The following NR1H4 variants were observed in gnomAD, a reference collection of about 807,000 sequenced individuals.
NR1H4 encodes the protein nuclear receptor subfamily 1 group H member 4, also known as bile acid receptor.
A neutral mutation model predicts 58.5 loss-of-function variants in NR1H4; 23 were observed. The observed-to-expected ratio is 0.39, with a 90% confidence interval of 0.28 to 0.56. NR1H4 has a LOEUF of 0.56. Ranked by LOEUF, NR1H4 falls within the 20% of genes least tolerant of loss-of-function variation. The pLI is 0.58. For missense variants in NR1H4, 487 were observed against 576.9 expected (o/e 0.84, Z 1.60); for synonymous variants, 214 against 198.0 (o/e 1.08, Z -0.68).
chr12:100,563,689 T>G lies in NR1H4; in HGVS notation c.*200T>G. The G allele has an allele frequency of 1.7e-6, 1 of 575,616 alleles. No homozygotes were observed. The allele number at this position is 575,616 out of a possible 1,614,324, so 35.7% of individuals were successfully genotyped here. ...TTCTCTACATTGTGTTTTAAAAGGC[T>G]CCAGGGAATCCTGCATTCTAATTGG... is the stretch of plus-strand genomic sequence containing the variant. On this transcript the variant is annotated 3_prime_UTR_variant, in exon 11 of 11. Coordinates refer to ENST00000392986, the MANE Select transcript of NR1H4 (RefSeq NM_001206979.2).
intron 9 of NR1H4, among the ~76,000 whole-genome samples, chr12:100,541,596 T>G (rs896214342): frequency 2.1e-5 from 3 of 145,508 alleles, no homozygotes; most frequent in African/African-American, 8.5e-5. Flanking sequence ...TTAACTTTTT[T>G]TTTCTTTTCT....
chr12:100,511,211 C>T, intron 4 of NR1H4, 68 bp downstream of exon 4: 4 of 1,601,814 alleles, frequency 2.5e-6, no homozygotes, highest in Non-Finnish European at 3.4e-6. Flanking sequence ...ATCCCTTGAA[C>T]TAATTGCTTC....
rs1954141364 is a variant in NR1H4 at position 100,512,353 on chromosome 12, C to T, written c.445+1210C>T. On this transcript the variant is annotated intron_variant, in intron 4 of 10. Transcript: ENST00000392986. ...TATAATAAATGAAATATAAAAATGA[C>T]AATGTAGGCCGGGCATGGTGGCTCA... is the stretch of plus-strand genomic sequence containing the variant. 2.0e-5 allele frequency among the ~76,000 whole-genome samples: 3 copies of T among 150,022 alleles called. No individual in the cohort carries two copies. The South Asian group carries it at 6.4e-4, about 32-fold the overall frequency.
At chr12:100,541,215 G>A (rs1481458078) in intron 9 of NR1H4, among the ~76,000 whole-genome samples, 4 of 152,052 alleles carry the variant, frequency 2.6e-5, no homozygotes, top group African/African-American at 9.7e-5. Context: ...AATAAAATAA[G>A]AAGACATTTT....
intron 1 of NR1H4, among the ~76,000 whole-genome samples, chr12:100,477,314 A>G (rs1953292033): frequency 6.6e-6 from 1 of 152,168 alleles, no homozygotes; most frequent in African/African-American, 2.4e-5. Flanking sequence ...AGGATTAAGA[A>G]ATATAACAGG....
At position 100,563,723 on chromosome 12, in the gene NR1H4, G is replaced by C. The variant is rs1286850499; in HGVS notation, c.*234G>C. The C allele has an allele frequency of 1.9e-6, 1 of 516,194 alleles. No individual in the cohort carries two copies. The highest frequency in any genetic ancestry group is 3.4e-6 in the Non-Finnish European group (1 of 292,448). The allele number at this position is 516,194 out of a possible 1,614,324, so 32.0% of individuals were successfully genotyped here. A position where few individuals can be genotyped will look rare whatever the true frequency, so the allele number is the denominator to read the frequency against. On this transcript the variant is annotated 3_prime_UTR_variant, in exon 11 of 11. Transcript: ENST00000392986. ...TCCTGCATTCTAATTGGCAAGCCCT[G>C]TTTGCCTAATTAAATTGATTGTTAC... is the stretch of plus-strand genomic sequence containing the variant.
intron 9 of NR1H4, among the ~76,000 whole-genome samples, chr12:100,556,471 GA>G (rs1261035538): frequency 2.8e-5 from 4 of 141,080 alleles, no homozygotes; most frequent in South Asian, 4.8e-4. Flanking sequence ...CCGTCTCAAA[GA>G]AAAAAAAAAC....
At chr12:100,484,568 C>T (rs1369817678) in intron 1 of NR1H4, among the ~76,000 whole-genome samples, 1 of 152,178 alleles carries the variant, frequency 6.6e-6, no homozygotes, top group East Asian at 1.9e-4. Flanking sequence ...TCCCTCCTTT[C>T]ACCAATACCC....
At chr12:100,500,237 A>G (rs1316736564) in intron 3 of NR1H4, among the ~76,000 whole-genome samples, 1 of 152,128 alleles carries the variant, frequency 6.6e-6, no homozygotes, top group Non-Finnish European at 1.5e-5. Flanking sequence ...TCTACCTTTA[A>G]AGTCTGCTGA....
chr12:100,504,667 A>G (rs1953916283), intron 3 of NR1H4, among the ~76,000 whole-genome samples: 1 of 152,222 alleles, frequency 6.6e-6, no homozygotes, highest in Non-Finnish European at 1.5e-5. Flanking sequence ...CCTCTCATGC[A>G]GGCACTACAT....
chr12:100,496,719 G>A (rs1406502132), intron 3 of NR1H4, among the ~76,000 whole-genome samples: 1 of 152,142 alleles, frequency 6.6e-6, no homozygotes, highest in Non-Finnish European at 1.5e-5. Context: ...CTTTTAAGGT[G>A]GTCCTGGGCA....
chr12:100,485,218 C>T lies in NR1H4; in HGVS notation c.-189-7285C>T, dbSNP rs184275147. Among the ~76,000 whole-genome samples the T allele has an allele frequency of 1.3e-4, 20 of 152,224 alleles. No individual in the cohort carries two copies. The East Asian group carries it at 3.9e-3, about 29-fold the overall frequency. On this transcript the variant is annotated intron_variant, in intron 1 of 10. Transcript: ENST00000392986. ...ACAAGCTTTTTCTACAAAGGATAGA[C>T]TGAATATTTTAGACTTTGCAGACCA... is the stretch of plus-strand genomic sequence containing the variant.
intron 9 of NR1H4, among the ~76,000 whole-genome samples, chr12:100,548,240 A>G (rs1315561332): frequency 1.3e-5 from 2 of 150,930 alleles, no homozygotes; most frequent in African/African-American, 2.4e-5. Flanking sequence ...GGTGGCACGC[A>G]CCTGTAGTCC....
intron 3 of NR1H4, among the ~76,000 whole-genome samples, chr12:100,500,657 G>A (rs545319092): frequency 1.3e-5 from 2 of 152,228 alleles, no homozygotes; most frequent in African/African-American, 2.4e-5. Flanking sequence ...TGGATCATGG[G>A]GGTGGTTTCC....
At chr12:100,491,049 C>A (rs138424845) in intron 1 of NR1H4, among the ~76,000 whole-genome samples, 1 of 152,146 alleles carries the variant, frequency 6.6e-6, no homozygotes, top group African/African-American at 2.4e-5. Flanking sequence ...CCTGCCTTGG[C>A]CTTCCAAAGT....
intron 3 of NR1H4, chr12:100,503,350 A>G: frequency 6.3e-7 from 1 of 1,584,390 alleles, no homozygotes; most frequent in African/African-American, 1.3e-5. Context: ...CTCACTCCTT[A>G]CCTAGTCTCA....
At chr12:100,510,748 C>A in intron 3 of NR1H4, 30 bp from the exon 4 acceptor site, 1 of 1,613,256 alleles carries the variant, frequency 6.2e-7, no homozygotes, top group South Asian at 1.1e-5. Context: ...TGATGACATT[C>A]ATTCCAGTTT....
intron 3 of NR1H4, among the ~76,000 whole-genome samples, chr12:100,497,223 C>T (rs1953735530): frequency 6.6e-6 from 1 of 152,092 alleles, no homozygotes; most frequent in South Asian, 2.1e-4. Context: ...AGCGTCACCC[C>T]AGGGGGCATT....
At chr12:100,500,076 A>T in intron 3 of NR1H4, 1 of 391,574 alleles carries the variant, frequency 2.6e-6, no homozygotes, top group East Asian at 7.2e-5. Context: ...ATATTTAGTG[A>T]TGTTAAATAA....
Sources: gnomAD v4.1 joint callset for allele counts (sites outside exome capture counted in the v4.1 genomes callset) on GRCh38, gnomAD v4.1.1 for gene constraint, MANE v1.5 for transcripts, NCBI Gene and HGNC (gene_info 2026-07-23, HGNC 2026-07-21) for gene names.